Variants in ATP10A observed in about 807,000 individuals in gnomAD.
The protein encoded by ATP10A is ATPase phospholipid transporting 10A (putative).
ATP10A carries 111 observed loss-of-function variants against 147.8 expected under a neutral mutation model. That is an observed-to-expected ratio of 0.75 (90% CI 0.64 to 0.88). The LOEUF (loss-of-function observed/expected upper bound fraction) is 0.88. Among genes scored for constraint, ATP10A ranks in the 40% least tolerant of loss-of-function variants. ATP10A has a pLI of 0.00. For missense variants in ATP10A, 1,927 were observed against 1,959.0 expected, an observed-to-expected ratio of 0.98 and a Z score of 0.31; for synonymous variants, 875 against 841.6, an observed-to-expected ratio of 1.04 and a Z score of -0.69.
chr15:25,769,925 G>C (rs151144086), intron 2 of ATP10A, among the ~76,000 whole-genome samples: 3 of 152,172 alleles, frequency 2.0e-5, no homozygotes, highest in African/African-American at 2.4e-5. Flanking sequence ...AACAGGACTG[G>C]TGTCCTTAAA....
chr15:25,797,140 C>T (rs1314898490), intron 1 of ATP10A, among the ~76,000 whole-genome samples: 1 of 152,092 alleles, frequency 6.6e-6, no homozygotes, highest in African/African-American at 2.4e-5. Flanking sequence ...CCCTTCCAAC[C>T]TCTGGTAACC....
At chr15:25,741,526 TAA>T (rs1308626489) in intron 2 of ATP10A, among the ~76,000 whole-genome samples, 2 of 152,236 alleles carry the variant, frequency 1.3e-5, no homozygotes, top group Non-Finnish European at 2.9e-5. Flanking sequence ...TTCATTAAAT[TAA>T]GTCAAGCATT....
chr15:25,840,420 C>T (rs1892763826), intron 1 of ATP10A, among the ~76,000 whole-genome samples: 1 of 152,072 alleles, frequency 6.6e-6, no homozygotes, highest in Non-Finnish European at 1.5e-5. Flanking sequence ...CATTTAGCTC[C>T]CAGGCTTTTT....
chr15:25,697,110 T>C (rs1471972094), intron 13 of ATP10A, among the ~76,000 whole-genome samples: 1 of 152,240 alleles, frequency 6.6e-6, no homozygotes, highest in Non-Finnish European at 1.5e-5. Flanking sequence ...CTTGGCTAAC[T>C]GACCCCATAA....
chr15:25,800,569 G>A (rs1890890791), intron 1 of ATP10A, among the ~76,000 whole-genome samples: 1 of 152,180 alleles, frequency 6.6e-6, no homozygotes, highest in Non-Finnish European at 1.5e-5. Context: ...CCCTGGCACT[G>A]TTCCACCGTG....
rs543683004 is a variant in ATP10A at position 25,690,846 on chromosome 15, C to T, written c.3165+869G>A. On this transcript the variant is annotated intron_variant, in intron 15 of 20. Transcript: ENST00000555815. ...GAAAAAATGTGCGAGTAACGTAACACGGAGATTCCAGTCAGATGACGGCGG... is the reference window on the plus strand; with the variant it reads ...GAAAAAATGTGCGAGTAACGTAACATGGAGATTCCAGTCAGATGACGGCGG... Among the ~76,000 whole-genome samples, 30 of 152,288 alleles carry T rather than the reference C, an allele frequency of 2.0e-4. No homozygotes were observed. The South Asian group carries it at 3.7e-3, about 19-fold the overall frequency.
intron 1 of ATP10A, among the ~76,000 whole-genome samples, chr15:25,842,535 T>C (rs1022955980): frequency 6.6e-6 from 1 of 152,234 alleles, no homozygotes; most frequent in Non-Finnish European, 1.5e-5. Context: ...CGTGTTTCAG[T>C]GCACTGCCTA....
intron 2 of ATP10A, among the ~76,000 whole-genome samples, chr15:25,772,872 A>G (rs193283928): frequency 6.6e-6 from 1 of 152,272 alleles, no homozygotes; most frequent in East Asian, 1.9e-4. Context: ...CACACTACTG[A>G]AAAGGGCTTT....
chr15:25,757,168 T>C (rs1567359827), intron 2 of ATP10A, among the ~76,000 whole-genome samples: 1 of 152,314 alleles, frequency 6.6e-6, no homozygotes, highest in Non-Finnish European at 1.5e-5. Flanking sequence ...AAAGTTTATA[T>C]ACTTTGACAT....
At chr15:25,852,446 C>T (rs977689497) in intron 1 of ATP10A, among the ~76,000 whole-genome samples, 3 of 152,042 alleles carry the variant, frequency 2.0e-5, no homozygotes, top group South Asian at 2.1e-4. Flanking sequence ...GAACCAATAT[C>T]GCAAAATATG....
At chr15:25,713,581 A>C in intron 10 of ATP10A, 93 bp downstream of exon 10, 1 of 1,256,808 alleles carries the variant, frequency 8.0e-7, no homozygotes, top group South Asian at 1.4e-5. Flanking sequence ...GGATTAATGA[A>C]AATCACTTTA....
chr15:25,696,747 G>A (rs537076468), intron 13 of ATP10A, among the ~76,000 whole-genome samples: 4 of 152,242 alleles, frequency 2.6e-5, no homozygotes, highest in Non-Finnish European at 4.4e-5. Flanking sequence ...GCTCTGGCTT[G>A]AGGAGTGAAA....
intron 1 of ATP10A, among the ~76,000 whole-genome samples, chr15:25,783,773 T>C (rs1890038619): frequency 6.6e-6 from 1 of 152,208 alleles, no homozygotes; most frequent in African/African-American, 2.4e-5. Context: ...AAGTTGTTCT[T>C]CCTGAGCTTA....
At chr15:25,698,043 T>C (rs1256105566) in intron 13 of ATP10A, among the ~76,000 whole-genome samples, 2 of 151,682 alleles carry the variant, frequency 1.3e-5, no homozygotes, top group Admixed American at 6.6e-5. Context: ...CCAAGAAGAG[T>C]GTAAGGAGGC....
At chr15:25,681,436 T>A (rs1048370192) in intron 17 of ATP10A, among the ~76,000 whole-genome samples, 2 of 152,192 alleles carry the variant, frequency 1.3e-5, no homozygotes, top group African/African-American at 4.8e-5. Context: ...CCTCGCTAAA[T>A]ATGCACATAG....
intron 1 of ATP10A, chr15:25,861,977 A>G (rs1264151486): frequency 3.1e-6 from 1 of 318,804 alleles, no homozygotes; most frequent in Admixed American, 4.5e-5. Context: ...CACCCCTGGT[A>G]CTGCCCGTGG....
intron 13 of ATP10A, among the ~76,000 whole-genome samples, chr15:25,697,344 A>T (rs1022282289): frequency 2.0e-5 from 3 of 152,256 alleles, no homozygotes; most frequent in African/African-American, 4.8e-5. Flanking sequence ...TAGAAATTAA[A>T]AATGGCCAGT....
At chr15:25,806,312 A>ATTTTC (rs200317931) in intron 1 of ATP10A, among the ~76,000 whole-genome samples, 1 of 99,320 alleles carries the variant, frequency 1.0e-5, no homozygotes, top group Non-Finnish European at 2.4e-5. Context: ...CTGCCTTAAG[A>ATTTTC]TTTTCTTTTC....
At position 25,718,398 on chromosome 15, in the gene ATP10A, C is replaced by A. The variant is rs142993802; in HGVS notation, c.1365G>T (p.Ala455=). ...SGVEYSHDAN[A]QRLARYQEAD... ...CCTCTTGGTACCTGGCCAGACGCTG[C>A]GCTGCGGGGAGAGGGCGCAGGGTGA... is the stretch of plus-strand genomic sequence containing the variant. The change falls in exon 8 of 21, where the codon GCG becomes GCT. Residue 455 remains alanine (A), a splice_region_variant and synonymous_variant. Coordinates refer to ENST00000555815, the MANE Select transcript of ATP10A (RefSeq NM_024490.4). The A allele has an allele frequency of 9.2e-4, 1,463 of 1,592,438 alleles. No individual in the cohort carries two copies. The highest frequency in any genetic ancestry group is 2.7e-3 in the Middle Eastern group (14 of 5,232).
Sources: allele counts gnomAD v4.1 joint callset (sites outside exome capture counted in the v4.1 genomes callset), GRCh38; gene constraint gnomAD v4.1.1; transcripts MANE v1.5; gene names NCBI Gene and HGNC (gene_info 2026-07-23, HGNC 2026-07-21).